The following LHPP variants were observed in gnomAD, a reference collection of about 807,000 sequenced individuals.
LHPP encodes the protein hLHPP.
In LHPP, 24 loss-of-function variants were observed where a neutral mutation model predicts 30.3. That is an observed-to-expected ratio of 0.79 (90% CI 0.57 to 1.11). The LOEUF is 1.11. LHPP is among the 50% of genes most tolerant of loss of function. The probability of loss-of-function intolerance (pLI) is 0.00; values close to 1 mark genes in which losing one functional copy is unlikely to be tolerated. For synonymous variants in LHPP, 150 were observed against 157.1 expected, an observed-to-expected ratio of 0.95 and a Z score of 0.34; for missense variants, 356 against 367.2, an observed-to-expected ratio of 0.97 and a Z score of 0.25.
At chr10:124,545,117 C>T (rs71488610) in intron 6 of LHPP, among the ~76,000 whole-genome samples, 17,572 of 152,122 alleles carry the variant, frequency 0.12, 1,379 homozygotes, top group Non-Finnish European at 0.16. Flanking sequence ...GCTGTCCTTA[C>T]AGGGCCACAG....
At chr10:124,475,168 G>A (rs1952903367) in intron 1 of LHPP, among the ~76,000 whole-genome samples, 1 of 151,732 alleles carries the variant, frequency 6.6e-6, no homozygotes, top group Non-Finnish European at 1.5e-5. Context: ...GATTACAGGT[G>A]TGCACCACCA....
chr10:124,583,756 C>T (rs999557760), intron 6 of LHPP, among the ~76,000 whole-genome samples: 13 of 152,148 alleles, frequency 8.5e-5, no homozygotes, highest in Non-Finnish European at 1.8e-4. Context: ...GCCCCATGAC[C>T]CAAACACCTC....
At chr10:124,551,866 G>GCACGCAGGATGTCCGCAGGCC (rs1350634267) in intron 6 of LHPP, among the ~76,000 whole-genome samples, 1 of 152,038 alleles carries the variant, frequency 6.6e-6, no homozygotes, top group Non-Finnish European at 1.5e-5. Context: ...CCACGGAGGC[G>GCACGCAGGATGTCCGCAGGCC]CACGCAGGAT....
chr10:124,544,058 C>T (rs1329452016), intron 6 of LHPP, among the ~76,000 whole-genome samples: 15 of 152,258 alleles, frequency 9.9e-5, no homozygotes, highest in Non-Finnish European at 2.1e-4. Flanking sequence ...ACCCTGGCCT[C>T]GCAGCCAAGC....
intron 1 of LHPP, among the ~76,000 whole-genome samples, chr10:124,480,107 A>G (rs1025792512): frequency 6.6e-6 from 1 of 152,176 alleles, no homozygotes; most frequent in African/African-American, 2.4e-5. Flanking sequence ...TACTCTTTAA[A>G]CAATAGTGCC....
rs1256344923 is a variant in LHPP, at chr10:124,568,221, ATTTC to A, written c.717-45039_717-45036del. On this transcript the variant is annotated intron_variant, in intron 6 of 6. Transcript: ENST00000368842. ...GAGCCACCATGCCCGGCTGGTTCTT[ATTTC>A]TTTAATTTTATTGAAGAATAACATA... Among the ~76,000 whole-genome samples, 4 of 152,158 alleles carry A rather than the reference ATTTC, an allele frequency of 2.6e-5. No individual in the cohort carries two copies. In the South Asian group the frequency reaches 6.2e-4, roughly 24 times the overall value.
At chr10:124,571,203 A>C (rs576937040) in intron 6 of LHPP, among the ~76,000 whole-genome samples, 64 of 152,320 alleles carry the variant, frequency 4.2e-4, no homozygotes, top group Non-Finnish European at 5.0e-4. Flanking sequence ...GTATGTCTTT[A>C]TCAGCAGTGT....
At chr10:124,600,380 G>T (rs189393025) in intron 6 of LHPP, among the ~76,000 whole-genome samples, 1,590 of 152,386 alleles carry the variant, frequency 0.01, 19 homozygotes, top group Middle Eastern at 0.02. Context: ...GGGGCAGGGT[G>T]GGGGGCTCGC....
intron 1 of LHPP, among the ~76,000 whole-genome samples, chr10:124,477,034 G>A (rs568520228): frequency 5.9e-5 from 9 of 152,052 alleles, no homozygotes; most frequent in Non-Finnish European, 8.8e-5. Context: ...AGCGAAACCC[G>A]TCTACTAAAA....
chr10:124,525,423 AC>A (rs1018215249), intron 6 of LHPP, among the ~76,000 whole-genome samples: 3 of 152,184 alleles, frequency 2.0e-5, no homozygotes, highest in Non-Finnish European at 2.9e-5. Flanking sequence ...TGCCCCCACC[AC>A]GGGGGGACCC....
intron 6 of LHPP, among the ~76,000 whole-genome samples, chr10:124,570,178 G>C (rs983132250): frequency 6.6e-6 from 1 of 152,214 alleles, no homozygotes; most frequent in African/African-American, 2.4e-5. Context: ...GGAGGGACTG[G>C]AGGAAAAGCC....
chr10:124,594,244 C>T (rs928548070), intron 6 of LHPP, among the ~76,000 whole-genome samples: 2 of 146,284 alleles, frequency 1.4e-5, no homozygotes, highest in Non-Finnish European at 1.5e-5. Flanking sequence ...GCAAGAGAAT[C>T]ACTTGAACCT....
intron 6 of LHPP, among the ~76,000 whole-genome samples, chr10:124,558,398 A>G (rs1004220663): frequency 6.6e-6 from 1 of 152,202 alleles, no homozygotes; most frequent in Non-Finnish European, 1.5e-5. Flanking sequence ...CGACAGGAGG[A>G]GGAAGCATCA....
At chr10:124,531,299 G>A (rs975121764) in intron 6 of LHPP, among the ~76,000 whole-genome samples, 5 of 152,200 alleles carry the variant, frequency 3.3e-5, no homozygotes, top group Admixed American at 1.3e-4. Flanking sequence ...TGTCAAGCTC[G>A]TTTCTGTTGT....
At chr10:124,499,965 A>T (rs1383436196) in intron 5 of LHPP, among the ~76,000 whole-genome samples, 2 of 152,046 alleles carry the variant, frequency 1.3e-5, no homozygotes, top group Non-Finnish European at 2.9e-5. Context: ...TGAGAAGGAA[A>T]GGTTTGTGTT....
Position 124,496,868 on chromosome 10 carries a change from C to T in LHPP, c.468-93C>T, listed in dbSNP as rs1031509285. ...AGCCGCGGCTTGGCTCTGCAGCCAGCGGGACAGGCCCGGTGCTCAGCTCCC... is the reference window on the plus strand; with the variant it reads ...AGCCGCGGCTTGGCTCTGCAGCCAGTGGGACAGGCCCGGTGCTCAGCTCCC... On this transcript the variant is annotated intron_variant, in intron 3 of 6. Coordinates refer to ENST00000368842, the MANE Select transcript of LHPP (RefSeq NM_022126.4). The surrounding 1 kb of genome is among the most constrained non-coding windows in gnomAD (Gnocchi z 4.3). 4.0e-5 allele frequency: 46 copies of T among 1,150,810 alleles called. No homozygotes were observed. Among genetic ancestry groups the T allele is most frequent in the African/African-American group, 3.0e-4 (19 of 64,318 alleles). 71.3% of individuals were successfully genotyped at this position (1,150,810 alleles called of 1,614,324 possible).
In LHPP at chr10:124,510,516, TTCC is replaced by T. The variant is rs1272690869; in HGVS notation, c.625-6660_625-6658del. On this transcript the variant is annotated intron_variant, in intron 5 of 6. Transcript: ENST00000368842. The surrounding 1 kb of genome is among the most constrained non-coding windows in gnomAD (Gnocchi z 4.0). ...CCACGCTGTTCCTGCATGAGAACTCTTCCTCCAAGAGACCACGTTCCTCTGGTC... is the reference window on the plus strand; with the variant it reads ...CCACGCTGTTCCTGCATGAGAACTCTTCCAAGAGACCACGTTCCTCTGGTC... Among the ~76,000 whole-genome samples the T allele has an allele frequency of 6.6e-6, 1 of 152,174 alleles. No homozygotes were observed. The highest frequency in any genetic ancestry group is 2.4e-5 in the African/African-American group (1 of 41,450).
intron 6 of LHPP, among the ~76,000 whole-genome samples, chr10:124,587,026 T>TG (rs1491060064): frequency 1.5e-5 from 1 of 66,020 alleles, no homozygotes; most frequent in African/African-American, 7.2e-5. Flanking sequence ...GCTTGCTACT[T>TG]TTTTTTTTTT....
intron 6 of LHPP, among the ~76,000 whole-genome samples, chr10:124,591,132 T>G (rs1277143133): frequency 6.6e-6 from 1 of 151,912 alleles, no homozygotes; most frequent in Admixed American, 6.6e-5. Flanking sequence ...TGCTTCGGGG[T>G]CCAGTCCTGT....
Sources: allele counts gnomAD v4.1 joint callset (sites outside exome capture counted in the v4.1 genomes callset), GRCh38; gene constraint gnomAD v4.1.1; non-coding constraint Gnocchi (gnomAD v3.1); transcripts MANE v1.5; gene names NCBI Gene and HGNC (gene_info 2026-07-23, HGNC 2026-07-21).